The following DMD variants were observed in gnomAD, a reference collection of about 807,000 sequenced individuals.
DMD encodes mutant dystrophin.
A neutral mutation model predicts 330.1 loss-of-function variants in DMD; 63 were observed. The ratio of observed to expected loss-of-function variants is 0.19; its 90% CI spans 0.16 to 0.24. The LOEUF (loss-of-function observed/expected upper bound fraction) is 0.24, where lower values mean the gene tolerates loss of function less well. Ranked by LOEUF, DMD falls within the 10% of genes least tolerant of loss-of-function variation. DMD has a pLI of 1.00. For synonymous variants in DMD, 1,223 were observed against 959.8 expected, an observed-to-expected ratio of 1.27 and a Z score of -5.07; for missense variants, 3,344 against 2,684.1, an observed-to-expected ratio of 1.25 and a Z score of -5.43.
chrX:32,237,322 G>A (rs150203993), intron 43 of DMD, among the ~76,000 whole-genome samples: 1,565 of 110,742 alleles, frequency 0.014, 27 homozygotes, highest in African/African-American at 0.048. Flanking sequence ...TACACAATAA[G>A]AATACCACCT....
intron 52 of DMD, among the ~76,000 whole-genome samples, chrX:31,717,527 C>T (rs189372550): frequency 8.9e-6 from 1 of 112,244 alleles, no homozygotes; most frequent in Admixed American, 9.4e-5. Flanking sequence ...CCCAAAAGGA[C>T]TGTGCCTTCT....
At chrX:33,241,512 T>C (rs1225271400) in intron 1 of DMD, among the ~76,000 whole-genome samples, 1 of 111,887 alleles carries the variant, frequency 8.9e-6, no homozygotes, top group Non-Finnish European at 1.9e-5. Flanking sequence ...TTCTTTTTGC[T>C]CAACATTATT....
chrX:32,262,672 G>A (rs1291296450), intron 43 of DMD, among the ~76,000 whole-genome samples: 1 of 110,512 alleles, frequency 9.0e-6, no homozygotes, highest in Non-Finnish European at 1.9e-5. Context: ...AATTACAAAT[G>A]AAGCATTCAT....
intron 55 of DMD, among the ~76,000 whole-genome samples, chrX:31,570,554 T>G (rs1407734438): frequency 1.8e-5 from 2 of 111,672 alleles, no homozygotes; most frequent in South Asian, 7.5e-4. Context: ...CAAATATGCT[T>G]TTTTACTAAA....
Position 32,809,473 on chromosome X carries a change from T to A in DMD, c.649+20A>T. 2 of 1,148,127 alleles carry A rather than the reference T, an allele frequency of 1.7e-6. No homozygotes were observed. Among genetic ancestry groups the A allele is most frequent in the Non-Finnish European group, 2.4e-6 (2 of 837,688 alleles). 94.6% of individuals were successfully genotyped at this position (1,148,127 alleles called of 1,213,427 possible). A position where few individuals can be genotyped will look rare whatever the true frequency, so the allele number is the denominator to read the frequency against. On this transcript the variant is annotated intron_variant, in intron 7 of 78. Transcript: ENST00000357033. ...AACTCTACCATACTAAAAGCAGTGG[T>A]AGTCCAGAAATTTACCAACCTTCAG...
At chrX:31,296,945 T>C (rs2054234626) in intron 62 of DMD, among the ~76,000 whole-genome samples, 1 of 112,198 alleles carries the variant, frequency 8.9e-6, no homozygotes, top group Non-Finnish European at 1.9e-5. Context: ...TGAATTTCTA[T>C]GTCATAACAC....
chrX:31,541,565 G>A (rs998999001), intron 55 of DMD, among the ~76,000 whole-genome samples: 25 of 100,414 alleles, frequency 2.5e-4, no homozygotes, highest in Non-Finnish European at 4.4e-4. Context: ...CTCAATTCCC[G>A]CCTGTGAGTA....
At chrX:31,955,548 G>A (rs974009265) in intron 45 of DMD, among the ~76,000 whole-genome samples, 1 of 112,157 alleles carries the variant, frequency 8.9e-6, no homozygotes, top group African/African-American at 3.2e-5. Flanking sequence ...TTATGATCTC[G>A]AAGAGTCAGG....
rs2032342911 is a variant in DMD, at chrX:31,120,895, ACCG to A, written c.*1021_*1023del. 1.8e-5 allele frequency: 2 copies of A among 111,271 alleles called. No individual in the cohort carries two copies. Among genetic ancestry groups the A allele is most frequent in the African/African-American group, 6.6e-5 (2 of 30,513 alleles). 9.2% of individuals were successfully genotyped at this position (111,271 alleles called of 1,213,427 possible). On this transcript the variant is annotated 3_prime_UTR_variant, in exon 79 of 79. Coordinates refer to ENST00000357033, the MANE Select transcript of DMD (RefSeq NM_004006.3). The stretch of plus-strand genomic sequence containing the variant: ...AATCAATCAATCAATCAACCAACCA[ACCG>A]ATTACTCACTCTGATATAATAAGTC...
chrX:32,755,502 T>A (rs900694935), intron 7 of DMD, among the ~76,000 whole-genome samples: 4 of 111,858 alleles, frequency 3.6e-5, no homozygotes, highest in African/African-American at 1.3e-4. Context: ...GGGCAGGTAA[T>A]GTGTTTACTC....
chrX:32,176,689 TGTGAGTCACTTGTGACATGAA>T (rs1296850180), intron 44 of DMD, among the ~76,000 whole-genome samples: 6 of 111,094 alleles, frequency 5.4e-5, no homozygotes, highest in Admixed American at 9.5e-5. Context: ...CAAGTGACCT[TGTGAGTCACTTGTGACATGAA>T]GTGAGTCACT....
At chrX:32,091,459 C>G (rs1389198887) in intron 44 of DMD, among the ~76,000 whole-genome samples, 1 of 110,969 alleles carries the variant, frequency 9.0e-6, no homozygotes, top group Non-Finnish European at 1.9e-5. Context: ...CTTTAGAAAC[C>G]AATGCTCTGG....
At chrX:32,212,188 C>T (rs1032242598) in intron 44 of DMD, among the ~76,000 whole-genome samples, 2 of 112,053 alleles carry the variant, frequency 1.8e-5, no homozygotes, top group Non-Finnish European at 3.8e-5. Flanking sequence ...GAAACAGATG[C>T]GTTTGGCTGA....
At chrX:31,725,541 A>G (rs1296847481) in intron 52 of DMD, among the ~76,000 whole-genome samples, 2 of 112,090 alleles carry the variant, frequency 1.8e-5, no homozygotes, top group Non-Finnish European at 3.8e-5. Context: ...AGGGCTCTAC[A>G]TTAATTATTT....
chrX:32,295,551 T>C (rs2148501593), intron 42 of DMD, among the ~76,000 whole-genome samples: 1 of 112,531 alleles, frequency 8.9e-6, no homozygotes, highest in Non-Finnish European at 1.9e-5. Flanking sequence ...GTCTCTCCCT[T>C]AAGAAGATAA....
At chrX:32,424,135 C>T (rs2098201898) in intron 29 of DMD, among the ~76,000 whole-genome samples, 1 of 110,169 alleles carries the variant, frequency 9.1e-6, no homozygotes. Flanking sequence ...TTGCATAGTC[C>T]ACCACTCAGC....
intron 13 of DMD, among the ~76,000 whole-genome samples, chrX:32,586,973 A>G (rs2054357455): frequency 9.0e-6 from 1 of 111,629 alleles, no homozygotes; most frequent in Non-Finnish European, 1.9e-5. Context: ...TTTTTTTTAA[A>G]TGCATTTAAT....
intron 20 of DMD, among the ~76,000 whole-genome samples, chrX:32,489,703 T>C (rs2042813972): frequency 9.0e-6 from 1 of 111,642 alleles, no homozygotes; most frequent in Non-Finnish European, 1.9e-5. Context: ...TTAATGTATA[T>C]ATTTTATGCA....
rs1028454728 is a variant in DMD, at chrX:31,787,866, T to C, written c.7310-13674A>G. On this transcript the variant is annotated intron_variant, in intron 50 of 78. Coordinates refer to ENST00000357033, the MANE Select transcript of DMD (RefSeq NM_004006.3). ...CCAGAAGTGCGACAACTACCAACCA[T>C]ACAAAAGAGATCAAAATCAAGGGGA... Among the ~76,000 whole-genome samples, 9 of 111,907 alleles carry C rather than the reference T, an allele frequency of 8.0e-5. No homozygotes were observed. In the East Asian group the frequency reaches 1.7e-3, roughly 21 times the overall value.
Sources: gnomAD v4.1 joint callset for allele counts (sites outside exome capture counted in the v4.1 genomes callset) on GRCh38, gnomAD v4.1.1 for gene constraint, MANE v1.5 for transcripts, NCBI Gene and HGNC (gene_info 2026-07-23, HGNC 2026-07-21) for gene names.